Variants in KMT5A observed in about 807,000 individuals in gnomAD.
The protein encoded by KMT5A is N-lysine methyltransferase KMT5A.
In KMT5A, 6 loss-of-function variants were observed where a neutral mutation model predicts 40.6. That is an observed-to-expected ratio of 0.15 (90% confidence interval 0.08 to 0.29). The LOEUF is 0.29. Among genes scored for constraint, KMT5A ranks in the 10% least tolerant of loss-of-function variants. KMT5A has a pLI of 1.00. For missense variants in KMT5A, 308 were observed against 459.1 expected, an observed-to-expected ratio of 0.67 and a Z score of 3.01; for synonymous variants, 153 against 178.8, an observed-to-expected ratio of 0.86 and a Z score of 1.15.
chr12:123,398,367 C>T (rs934596491), intron 5 of KMT5A, among the ~76,000 whole-genome samples: 4 of 151,870 alleles, frequency 2.6e-5, no homozygotes, highest in Admixed American at 6.6e-5. Flanking sequence ...GTTGGAGCTG[C>T]GGTGTGCCCA....
At chr12:123,400,876 A>G (rs866386105) in intron 5 of KMT5A, among the ~76,000 whole-genome samples, 1 of 151,696 alleles carries the variant, frequency 6.6e-6, no homozygotes, top group South Asian at 2.1e-4. Flanking sequence ...GTACAGTGGC[A>G]TGATTATGGC....
chr12:123,388,888 G>T (rs1233846829), intron 1 of KMT5A: 1 of 147,116 alleles, frequency 6.8e-6, no homozygotes, highest in Non-Finnish European at 1.5e-5. Flanking sequence ...CCTCCGGAGC[G>T]GCCTGGCGGC....
At chr12:123,404,723 C>G (rs1184393133) in intron 6 of KMT5A, among the ~76,000 whole-genome samples, 161 bp from the exon 7 acceptor site, 1 of 152,160 alleles carries the variant, frequency 6.6e-6, no homozygotes, top group African/African-American at 2.4e-5. Context: ...GTATACACTT[C>G]ATAAAACCCA....
intron 5 of KMT5A, among the ~76,000 whole-genome samples, chr12:123,397,816 G>A (rs1034736287): frequency 2.1e-5 from 3 of 145,006 alleles, no homozygotes; most frequent in African/African-American, 5.1e-5. Flanking sequence ...ACAGGCATTC[G>A]CCACCACGCC....
intron 5 of KMT5A, among the ~76,000 whole-genome samples, chr12:123,398,947 C>G (rs1877947577): frequency 6.6e-6 from 1 of 152,256 alleles, no homozygotes; most frequent in Admixed American, 6.5e-5. Flanking sequence ...CTGAAGACAG[C>G]AGCCAGGGCG....
rs778818251 is a variant in KMT5A, at chr12:123,390,752, G to T, written c.255G>T (p.Gly85=). 2 of 1,613,950 alleles carry T rather than the reference G, an allele frequency of 1.2e-6. No homozygotes were observed. Among genetic ancestry groups the T allele is most frequent in the South Asian group, 2.2e-5 (2 of 91,078 alleles). The change falls in exon 3 of 8, where the codon GGG becomes GGT. Residue 85 remains glycine (G), a synonymous_variant. Transcript: ENST00000402868. ...SVTHHEVKCQ[G]KPLAGIYRKR... ...CACATCACGAAGTCAAATGCCAGGG[G>T]AAACCATTAGCCGGAATCTACAGGA...
intron 3 of KMT5A, among the ~76,000 whole-genome samples, chr12:123,394,763 G>A (rs779256434): frequency 1.3e-5 from 2 of 152,168 alleles, no homozygotes; most frequent in African/African-American, 2.4e-5. Flanking sequence ...CCCTGCCAGC[G>A]TCTCCGTCTC....
At chr12:123,406,091 T>C (rs1247658562) in intron 7 of KMT5A, among the ~76,000 whole-genome samples, 1 of 152,098 alleles carries the variant, frequency 6.6e-6, no homozygotes, top group Non-Finnish European at 1.5e-5. Context: ...AGTGCTGGGA[T>C]TACAGGCATG....
intron 5 of KMT5A, among the ~76,000 whole-genome samples, chr12:123,399,957 G>A (rs1481497341): frequency 6.6e-6 from 1 of 152,006 alleles, no homozygotes; most frequent in African/African-American, 2.4e-5. Flanking sequence ...CTGAGTACCT[G>A]GGATTACAGG....
At chr12:123,388,293 C>G (rs373267595) in intron 1 of KMT5A, 1 of 152,352 alleles carries the variant, frequency 6.6e-6, no homozygotes, top group South Asian at 2.1e-4. Flanking sequence ...GTTCTGAGAA[C>G]TTGGCCAAGC....
chr12:123,389,797 C>T lies in KMT5A; in HGVS notation c.132+243C>T, dbSNP rs866976883. 6.6e-5 allele frequency among the ~76,000 whole-genome samples: 10 copies of T among 152,182 alleles called. No homozygotes were observed. In the South Asian group the frequency reaches 2.1e-3, roughly 31 times the overall value. ...GACCCTACTTCCCCGGAGGTGGCCG[C>T]GGTCCCAGGCTGTGCGGGGCCTGCG... On this transcript the variant is annotated intron_variant, in intron 2 of 7. Coordinates refer to ENST00000402868, the MANE Select transcript of KMT5A (RefSeq NM_020382.7).
intron 5 of KMT5A, among the ~76,000 whole-genome samples, chr12:123,399,918 G>A (rs1195017947): frequency 6.6e-6 from 1 of 152,086 alleles, no homozygotes; most frequent in East Asian, 1.9e-4. Context: ...CCACCTCCCG[G>A]GTTCAAGTGA....
chr12:123,406,604 G>A lies in KMT5A; in HGVS notation c.849-889G>A, dbSNP rs145662816. ...GCTGGGATTACAGGCGTGAGCCACC[G>A]CGCCTGGCGGGGTTGATTTTTTTAA... is the stretch of plus-strand genomic sequence containing the variant. On this transcript the variant is annotated intron_variant, in intron 7 of 7. Transcript: ENST00000402868. Among the ~76,000 whole-genome samples, 42 of 152,288 alleles carry A rather than the reference G, an allele frequency of 2.8e-4. No homozygotes were observed. The South Asian group carries it at 6.2e-3, about 23-fold the overall frequency.
At chr12:123,404,026 C>T (rs1878363163) in intron 6 of KMT5A, among the ~76,000 whole-genome samples, 1 of 152,182 alleles carries the variant, frequency 6.6e-6, no homozygotes, top group Non-Finnish European at 1.5e-5. Context: ...TGCCCAGCCC[C>T]TGGCAGCCAC....
chr12:123,394,423 A>G (rs917001459), intron 3 of KMT5A, among the ~76,000 whole-genome samples: 2 of 152,150 alleles, frequency 1.3e-5, no homozygotes, highest in African/African-American at 4.8e-5. Flanking sequence ...GTTATTTAAA[A>G]GTAAAACATT....
chr12:123,405,688 T>C (rs139609790), intron 7 of KMT5A, among the ~76,000 whole-genome samples: 46 of 151,572 alleles, frequency 3.0e-4, no homozygotes, highest in African/African-American at 1.1e-3. Context: ...AGCTAATTCT[T>C]ATATATTTTT....
chr12:123,406,796 G>T (rs894180166), intron 7 of KMT5A, among the ~76,000 whole-genome samples: 1 of 151,956 alleles, frequency 6.6e-6, no homozygotes, highest in African/African-American at 2.4e-5. Flanking sequence ...GGTGGCCGAG[G>T]TGGATGGATC....
At chr12:123,405,158 T>C in intron 7 of KMT5A, 84 bp downstream of exon 7, 3 of 1,348,894 alleles carry the variant, frequency 2.2e-6, no homozygotes, top group Non-Finnish European at 3.0e-6. Context: ...CTGATTCTGT[T>C]TGGTGGCCAG....
At chr12:123,386,048 C>G (rs1277753913) in intron 1 of KMT5A, among the ~76,000 whole-genome samples, 1 of 151,932 alleles carries the variant, frequency 6.6e-6, no homozygotes, top group African/African-American at 2.4e-5. Context: ...TTACCCAAAG[C>G]GAAGATAATG....
Sources: allele counts gnomAD v4.1 joint callset (sites outside exome capture counted in the v4.1 genomes callset), GRCh38; gene constraint gnomAD v4.1.1; transcripts MANE v1.5; gene names NCBI Gene and HGNC (gene_info 2026-07-23, HGNC 2026-07-21).